Variants in MMP26 observed in about 807,000 individuals in gnomAD.
MMP26 encodes the protein matrix metalloproteinase-26.
Under a neutral mutation model 31.0 loss-of-function variants are expected in MMP26, and 33 were observed. The observed-to-expected ratio is 1.06, with a 90% confidence interval of 0.81 to 1.42. MMP26 has a LOEUF of 1.42. MMP26 is among the 40% of genes most tolerant of loss of function. The pLI is 0.00. For synonymous variants in MMP26, 122 were observed against 114.9 expected (o/e 1.06, Z -0.40); for missense variants, 347 against 316.1 (o/e 1.10, Z -0.74).
chr11:4,923,447 G>A (rs755592968), intron 2 of MMP26: 26 of 1,610,016 alleles, frequency 1.6e-5, no homozygotes. Flanking sequence ...AATTTGCTTG[G>A]TCTTGATGCT....
chr11:4,772,918 A>G (rs1848744854), intron 2 of MMP26, among the ~76,000 whole-genome samples: 1 of 152,200 alleles, frequency 6.6e-6, no homozygotes, highest in African/African-American at 2.4e-5. Flanking sequence ...TTCCTGTTCA[A>G]GTAATTTTAA....
intron 2 of MMP26, among the ~76,000 whole-genome samples, chr11:4,979,597 A>G (rs1395336096): frequency 6.6e-6 from 1 of 152,136 alleles, no homozygotes; most frequent in Non-Finnish European, 1.5e-5. Flanking sequence ...GTCTGGGGCT[A>G]ATAAGTTAAT....
intron 2 of MMP26, among the ~76,000 whole-genome samples, chr11:4,942,141 A>G (rs1589946248): frequency 6.7e-6 from 1 of 149,288 alleles, no homozygotes; most frequent in Non-Finnish European, 1.5e-5. Context: ...ACTGCTGCCA[A>G]GAAGAACATG....
intron 2 of MMP26, chr11:4,849,117 G>A (rs1220659117): frequency 1.9e-6 from 3 of 1,614,038 alleles, no homozygotes; most frequent in East Asian, 2.2e-5. Flanking sequence ...CCAGGAGGGT[G>A]CACCTGATAG....
chr11:4,749,638 G>A (rs965506494), intron 1 of MMP26, among the ~76,000 whole-genome samples: 2 of 151,956 alleles, frequency 1.3e-5, no homozygotes, highest in African/African-American at 4.8e-5. Flanking sequence ...TCTACAGCCG[G>A]CTGATCTGTG....
intron 2 of MMP26, among the ~76,000 whole-genome samples, chr11:4,897,117 GAC>G (rs553099813): frequency 2.0e-4 from 26 of 132,176 alleles, no homozygotes; most frequent in African/African-American, 3.4e-4. Flanking sequence ...CACACACACA[GAC>G]ACACACACAC....
chr11:4,761,415 G>A (rs1185679546), intron 1 of MMP26, among the ~76,000 whole-genome samples: 1 of 152,202 alleles, frequency 6.6e-6, no homozygotes, highest in Non-Finnish European at 1.5e-5. Flanking sequence ...ATCTCTATGA[G>A]TGGAAAACTT....
rs180893632 is a variant in MMP26, at chr11:4,856,817, T to G, written c.-145+89476T>G. On this transcript the variant is annotated intron_variant, in intron 2 of 7. Coordinates refer to ENST00000380390, the MANE Select transcript of MMP26 (RefSeq NM_021801.5). Reference sequence around the variant, plus strand: ...CTTATTCCAAAATTGACCACATACTTGGAAGTAAAGCACTCCTCAGCAAAT... The same window carrying G: ...CTTATTCCAAAATTGACCACATACTGGGAAGTAAAGCACTCCTCAGCAAAT... Among the ~76,000 whole-genome samples, 7 of 152,310 alleles carry G rather than the reference T, an allele frequency of 4.6e-5. No homozygotes were observed. The South Asian group carries it at 1.2e-3, about 27-fold the overall frequency.
Position 4,954,985 on chromosome 11 carries a change from A to C in MMP26, c.-144-33083A>C. 2.2e-6 allele frequency: 3 copies of C among 1,374,030 alleles called. 1 individual carries two copies. Among genetic ancestry groups the C allele is most frequent in the Non-Finnish European group, 1.0e-6 (1 of 995,840 alleles). 85.1% of individuals were successfully genotyped at this position (1,374,030 alleles called of 1,614,324 possible). A position where few individuals can be genotyped will look rare whatever the true frequency, so the allele number is the denominator to read the frequency against. On this transcript the variant is annotated intron_variant, in intron 2 of 7. Coordinates refer to ENST00000380390, the MANE Select transcript of MMP26 (RefSeq NM_021801.5). ...AGATGATCACTGCACAGATGTGTGAAACACAAGTATTGAGAGCCTTAAGCT... is the reference window on the plus strand; with the variant it reads ...AGATGATCACTGCACAGATGTGTGACACACAAGTATTGAGAGCCTTAAGCT...
chr11:4,707,097 A>T (rs1167658124), intron 1 of MMP26, among the ~76,000 whole-genome samples: 1 of 152,130 alleles, frequency 6.6e-6, no homozygotes, highest in Non-Finnish European at 1.5e-5. Context: ...ATATACTCAG[A>T]GTGGATGTGC....
At chr11:4,977,019 T>G (rs547352874) in intron 2 of MMP26, among the ~76,000 whole-genome samples, 1 of 152,176 alleles carries the variant, frequency 6.6e-6, no homozygotes, top group African/African-American at 2.4e-5. Flanking sequence ...CCTGAATTTA[T>G]TTTTAGAGGC....
At chr11:4,860,467 A>G (rs1171501169) in intron 2 of MMP26, 1 of 470,246 alleles carries the variant, frequency 2.1e-6, no homozygotes, top group Non-Finnish European at 4.4e-6. Flanking sequence ...GAGAAATCCC[A>G]GGGGAAAGGC....
intron 2 of MMP26, among the ~76,000 whole-genome samples, chr11:4,898,834 T>C (rs1213517914): frequency 3.2e-4 from 2 of 6,308 alleles, no homozygotes; most frequent in African/African-American, 1.1e-3. Context: ...TCTCTCTCTG[T>C]GTGTGTGTGT....
intron 2 of MMP26, among the ~76,000 whole-genome samples, chr11:4,833,622 G>A (rs1181897622): frequency 6.6e-6 from 1 of 152,170 alleles, no homozygotes; most frequent in Non-Finnish European, 1.5e-5. Flanking sequence ...CTCATGTCCT[G>A]CTGCAAGCCT....
chr11:4,727,694 C>G (rs1199874441), intron 1 of MMP26, among the ~76,000 whole-genome samples: 3 of 152,072 alleles, frequency 2.0e-5, no homozygotes, highest in African/African-American at 7.2e-5. Flanking sequence ...CCTGTAATCC[C>G]AGCTACTTGG....
At chr11:4,991,805 C>T (rs1341399587) in intron 6 of MMP26, among the ~76,000 whole-genome samples, 159 bp from the exon 7 acceptor site, 1 of 152,060 alleles carries the variant, frequency 6.6e-6, no homozygotes, top group Non-Finnish European at 1.5e-5. Flanking sequence ...CTGTTTTCTA[C>T]TTACTTTCTT....
At position 4,748,686 on chromosome 11, in the gene MMP26, T is replaced by A. The variant is rs190636048; in HGVS notation, c.-216-18584T>A. On this transcript the variant is annotated intron_variant, in intron 1 of 7. Transcript: ENST00000380390. ...ATTCACCACATAAGCAGACTTTTTT[T>A]AAAAAAAATATGATCACGGCAATAG... 6.8e-3 allele frequency among the ~76,000 whole-genome samples: 954 copies of A among 139,888 alleles called. 20 individuals carry two copies. The highest frequency in any genetic ancestry group is 0.063 in the East Asian group (327 of 5,162). The allele number at this position is 139,888 out of a possible 152,430, so 91.8% of individuals were successfully genotyped here.
intron 2 of MMP26, among the ~76,000 whole-genome samples, chr11:4,960,459 C>T (rs1380080156): frequency 6.6e-6 from 1 of 151,752 alleles, no homozygotes; most frequent in Non-Finnish European, 1.5e-5. Context: ...GCTAGACAAA[C>T]ATCCAGCCTC....
intron 2 of MMP26, chr11:4,923,932 G>A (rs765723548): frequency 2.5e-6 from 4 of 1,614,096 alleles, no homozygotes; most frequent in South Asian, 1.1e-5. Flanking sequence ...GTGTCAGGAC[G>A]GTGGAGTCAT....
Sources: allele counts gnomAD v4.1 joint callset (sites outside exome capture counted in the v4.1 genomes callset), GRCh38; gene constraint gnomAD v4.1.1; transcripts MANE v1.5; gene names NCBI Gene and HGNC (gene_info 2026-07-23, HGNC 2026-07-21).